Variants in NT5C1B observed in about 807,000 individuals in gnomAD.
The protein encoded by NT5C1B is 5'-nucleotidase, cytosolic IB.
Under a neutral mutation model 57.8 loss-of-function variants are expected in NT5C1B, and 44 were observed. The ratio of observed to expected loss-of-function variants is 0.76; its 90% CI spans 0.60 to 0.98. NT5C1B has a LOEUF of 0.98. Among genes scored for constraint, NT5C1B ranks in the 50% least tolerant of loss-of-function variants. The pLI is 0.00. For synonymous variants in NT5C1B, 284 were observed against 282.6 expected, an observed-to-expected ratio of 1.00 and a Z score of -0.05; for missense variants, 742 against 719.5, an observed-to-expected ratio of 1.03 and a Z score of -0.36.
At chr2:18,587,252 C>G (rs574619783) in intron 2 of NT5C1B, 4 of 1,519,174 alleles carry the variant, frequency 2.6e-6, no homozygotes, top group African/African-American at 2.7e-5. Context: ...ACCAGTCTCC[C>G]CCCTGTGTAG....
At chr2:18,578,874 T>A (rs1035845640) in intron 6 of NT5C1B, among the ~76,000 whole-genome samples, 1 of 152,212 alleles carries the variant, frequency 6.6e-6, no homozygotes, top group African/African-American at 2.4e-5. Context: ...GAAGATGATA[T>A]GATTTTTCAC....
Position 18,584,211 on chromosome 2 carries a change from C to T in NT5C1B, c.768G>A (p.Ala256=), listed in dbSNP as rs752300768. 3.1e-6 allele frequency: 5 copies of T among 1,614,122 alleles called. No homozygotes were observed. The highest frequency in any genetic ancestry group is 2.2e-5 in the East Asian group (1 of 44,868). The stretch of plus-strand genomic sequence containing the variant: ...TCCTGCCGTCCACCATGTTGAAGAG[C>T]GCGCAGGATGAGAGAGCAATGGTGA... Residue 256 remains alanine, a synonymous_variant, in exon 5 of 9, where the codon GCG becomes GCA. Coordinates refer to ENST00000304081, the Ensembl canonical transcript of NT5C1B. The surrounding 1 kb of genome is among the most constrained non-coding windows in gnomAD (Gnocchi z 5.8).
At chr2:18,589,326 C>G in intron 1 of NT5C1B, 113 bp downstream of exon 1, 2 of 1,407,352 alleles carry the variant, frequency 1.4e-6, no homozygotes, top group South Asian at 1.2e-5. Flanking sequence ...CTACCTGAAG[C>G]CATTATCTGA....
At chr2:18,568,772 ATCAGAAAC>A (rs1433909324) in intron 8 of NT5C1B, among the ~76,000 whole-genome samples, 1 of 152,154 alleles carries the variant, frequency 6.6e-6, no homozygotes, top group African/African-American at 2.4e-5. Flanking sequence ...GGAGAGGCTA[ATCAGAAAC>A]TCAAACCCGC....
chr2:18,578,843 G>A (rs530546169), intron 6 of NT5C1B, among the ~76,000 whole-genome samples: 1 of 152,254 alleles, frequency 6.6e-6, no homozygotes, highest in Admixed American at 6.5e-5. Context: ...AGAAAGAGAG[G>A]AAATCAGATT....
intron 8 of NT5C1B, among the ~76,000 whole-genome samples, chr2:18,566,552 A>C (rs1254447767): frequency 6.6e-6 from 1 of 152,202 alleles, no homozygotes; most frequent in Admixed American, 6.5e-5. Context: ...TTAGTCTTTA[A>C]AACACAGAGG....
chr2:18,585,726 G>A (rs1157596512), intron 3 of NT5C1B, among the ~76,000 whole-genome samples: 2 of 152,202 alleles, frequency 1.3e-5, no homozygotes, highest in Non-Finnish European at 2.9e-5. Flanking sequence ...TTGTTTAGAT[G>A]ATTGAGTCAA....
rs763994824 is a variant in NT5C1B, at chr2:18,584,877, G to T, written c.360C>A (p.Pro120=). ...GCGACCGGGGCAGCTGGGGCGACGC[G>T]GGTGGCTGGAGCGAGGGCTGCCCGG... The change falls in exon 4 of 9, where the codon CCC becomes CCA. Residue 120 remains proline, a synonymous_variant. Coordinates refer to ENST00000304081, the Ensembl canonical transcript of NT5C1B. This position sits in a 1 kb window ranked among gnomAD's most constrained non-coding sequence, Gnocchi z 5.8. The T allele has an allele frequency of 8.2e-6, 13 of 1,593,756 alleles. No homozygotes were observed. Among genetic ancestry groups the T allele is most frequent in the Non-Finnish European group, 1.1e-5 (13 of 1,172,890 alleles).
intron 2 of NT5C1B, chr2:18,587,276 G>A: frequency 6.7e-7 from 1 of 1,490,568 alleles, no homozygotes; most frequent in African/African-American, 1.4e-5. Context: ...GAGCAGAGGA[G>A]CCTGCTGTGG....
chr2:18,587,677 AAC>A, intron 1 of NT5C1B, 85 bp from the exon 2 acceptor site: 1 of 1,459,388 alleles, frequency 6.9e-7, no homozygotes, highest in South Asian at 1.3e-5. Context: ...GGATAAAGAA[AAC>A]ACAAAATTTA....
chr2:18,564,871 G>A (rs1314145783), intron 8 of NT5C1B, among the ~76,000 whole-genome samples: 2 of 151,972 alleles, frequency 1.3e-5, no homozygotes, highest in African/African-American at 4.8e-5. Context: ...ATTTAAGAAG[G>A]TTTACATTAT....
At chr2:18,568,701 C>G (rs1017635765) in intron 8 of NT5C1B, among the ~76,000 whole-genome samples, 1 of 152,200 alleles carries the variant, frequency 6.6e-6, no homozygotes, top group African/African-American at 2.4e-5. Flanking sequence ...ACCTGCCTCC[C>G]ATTCTATTCA....
At chr2:18,570,822 T>A (rs1665082925) in intron 8 of NT5C1B, among the ~76,000 whole-genome samples, 1 of 152,104 alleles carries the variant, frequency 6.6e-6, no homozygotes, top group Non-Finnish European at 1.5e-5. Context: ...CAGCGATATA[T>A]GAAAAGGATA....
intron 6 of NT5C1B, 124 bp downstream of exon 6, chr2:18,582,744 G>A (rs924903324): frequency 1.7e-5 from 24 of 1,390,376 alleles, no homozygotes; most frequent in Non-Finnish European, 2.3e-5. Flanking sequence ...AAACATTCCT[G>A]GCGCAGAAGG....
chr2:18,562,943 A>C (rs764504709), exon 9 of NT5C1B: 1 of 152,238 alleles, frequency 6.6e-6, no homozygotes, highest in Non-Finnish European at 1.5e-5. Context: ...ACTGTGCCTA[A>C]CATATGATAT....
intron 3 of NT5C1B, among the ~76,000 whole-genome samples, chr2:18,585,891 C>G (rs1023291722): frequency 3.3e-5 from 5 of 152,066 alleles, no homozygotes; most frequent in African/African-American, 1.2e-4. Context: ...AAGCCCCACA[C>G]AATCTGACAC....
At chr2:18,579,254 A>G (rs1487101933) in intron 6 of NT5C1B, among the ~76,000 whole-genome samples, 2 of 152,236 alleles carry the variant, frequency 1.3e-5, no homozygotes, top group Non-Finnish European at 2.9e-5. Context: ...CTATCAAACT[A>G]CCAATGACAT....
intron 8 of NT5C1B, among the ~76,000 whole-genome samples, chr2:18,569,579 C>T (rs996704094): frequency 6.6e-6 from 1 of 151,762 alleles, no homozygotes; most frequent in Non-Finnish European, 1.5e-5. Context: ...TTAGCCCCCC[C>T]AAAAAAGCTG....
Position 18,586,235 on chromosome 2 carries a change from C to T in NT5C1B, c.258+19G>A, listed in dbSNP as rs1348365205. The T allele has an allele frequency of 6.2e-7, 1 of 1,611,662 alleles. No individual in the cohort carries two copies. The highest frequency in any genetic ancestry group is 8.5e-7 in the Non-Finnish European group (1 of 1,178,826). On this transcript the variant is annotated intron_variant, in intron 3 of 8. Coordinates refer to ENST00000304081, the Ensembl canonical transcript of NT5C1B. ...TTATTATTCTATCATCTACTACTCC[C>T]TTTCATCTTTACCTCTACCTTAGCA...
Sources: allele counts gnomAD v4.1 joint callset (sites outside exome capture counted in the v4.1 genomes callset), GRCh38; gene constraint gnomAD v4.1.1; non-coding constraint Gnocchi (gnomAD v3.1); transcripts MANE v1.5; gene names NCBI Gene and HGNC (gene_info 2026-07-23, HGNC 2026-07-21).